NMT1: variants seen among roughly 807,000 people sequenced by gnomAD.
The protein encoded by NMT1 is N-myristoyltransferase 1, also known as glycylpeptide N-tetradecanoyltransferase 1.
Under a neutral mutation model 63.4 loss-of-function variants are expected in NMT1, and 12 were observed. That is an observed-to-expected ratio of 0.19 (90% confidence interval 0.12 to 0.31). The LOEUF (loss-of-function observed/expected upper bound fraction) is 0.31. Among genes scored for constraint, NMT1 ranks in the 10% least tolerant of loss-of-function variants. NMT1 has a pLI of 1.00. For synonymous variants in NMT1, 228 were observed against 234.3 expected (o/e 0.97, Z 0.25); for missense variants, 432 against 634.6 (o/e 0.68, Z 3.43).
rs1302258633 is a variant in NMT1, at chr17:45,068,971, GT to G, written c.131+7518del. 6.3e-5 allele frequency among the ~76,000 whole-genome samples: 8 copies of G among 127,566 alleles called. No individual in the cohort carries two copies. In the South Asian group the frequency reaches 1.3e-3, roughly 20 times the overall value. 83.7% of individuals were successfully genotyped at this position (127,566 alleles called of 152,430 possible). A position where few individuals can be genotyped will look rare whatever the true frequency, so the allele number is the denominator to read the frequency against. ...GGACTTTAGTTTTTTGTTTTTTTGG[GT>G]TTTTTTGAGACAGAGTCTCACTCTG... On this transcript the variant is annotated intron_variant, in intron 1 of 11. Transcript: ENST00000258960.
intron 4 of NMT1, among the ~76,000 whole-genome samples, chr17:45,094,143 C>T (rs2054108182): frequency 6.6e-6 from 1 of 152,122 alleles, no homozygotes; most frequent in African/African-American, 2.4e-5. Context: ...CCCCTTTCCA[C>T]CCCGGCCACC....
intron 6 of NMT1, among the ~76,000 whole-genome samples, chr17:45,097,720 C>G (rs1340727183): frequency 6.6e-6 from 1 of 152,150 alleles, no homozygotes; most frequent in Non-Finnish European, 1.5e-5. Context: ...TCTTGGTTCA[C>G]TGCAAGCTCC....
intron 1 of NMT1, among the ~76,000 whole-genome samples, chr17:45,063,204 C>CAAAAA (rs5820561): frequency 2.8e-4 from 22 of 79,952 alleles, no homozygotes; most frequent in Middle Eastern, 6.8e-3. Flanking sequence ...GACTCCGACT[C>CAAAAA]AAAAAAAAAA....
At chr17:45,097,708 G>A (rs1456711691) in intron 6 of NMT1, among the ~76,000 whole-genome samples, 4 of 152,036 alleles carry the variant, frequency 2.6e-5, no homozygotes, top group East Asian at 1.9e-4. Flanking sequence ...GCAGTGGTGC[G>A]ATCTTGGTTC....
chr17:45,069,248 C>T (rs552821838), intron 1 of NMT1, among the ~76,000 whole-genome samples: 1 of 150,282 alleles, frequency 6.7e-6, no homozygotes, highest in East Asian at 1.9e-4. Flanking sequence ...CGTGAGCCAC[C>T]ATGCCTGGCC....
rs1320607191 is a variant in NMT1, at chr17:45,108,092, A to T, written c.*2453A>T. On this transcript the variant is annotated 3_prime_UTR_variant, in exon 12 of 12. Coordinates refer to ENST00000258960, the MANE Select transcript of NMT1 (RefSeq NM_021079.5). ...GTGTGGTAGCGCCATGGCTGTCTCA[A>T]ACCAAGCAAAGGAAGGACCCTGAGG... The T allele has an allele frequency of 2.0e-5, 3 of 152,258 alleles. No individual in the cohort carries two copies. The highest frequency in any genetic ancestry group is 1.5e-5 in the Non-Finnish European group (1 of 68,066). The allele number at this position is 152,258 out of a possible 1,614,324, so 9.4% of individuals were successfully genotyped here.
rs75056989 is a variant in NMT1 at position 45,082,517 on chromosome 17, A to G, written c.240+765A>G. On this transcript the variant is annotated intron_variant, in intron 2 of 11. Transcript: ENST00000258960. ...GTCCCACAGAGTCTTTCTGAGTTCT[A>G]CTCCATGAGAACCACTGGCCTAAAG... Among the ~76,000 whole-genome samples, 1,458 of 152,122 alleles carry G rather than the reference A, an allele frequency of 9.6e-3. 13 individuals are homozygous for G. The highest frequency in any genetic ancestry group is 0.033 in the African/African-American group (1,390 of 41,494).
intron 8 of NMT1, among the ~76,000 whole-genome samples, chr17:45,100,234 G>C (rs952571295): frequency 6.6e-6 from 1 of 152,106 alleles, no homozygotes; most frequent in Admixed American, 6.5e-5. Context: ...GACTACAGGC[G>C]TGTGCCGCCA....
In NMT1 at chr17:45,086,639, C is replaced by T. The variant is rs774578466; in HGVS notation, c.372C>T (p.Pro124=). ...KRSYQFWDTQ[P]VPKLGEVVNT... Reference sequence around the variant, plus strand: ...GCTACCAGTTCTGGGATACGCAGCCCGTCCCCAAGCTGGGTATGTACATGC... The same window carrying T: ...GCTACCAGTTCTGGGATACGCAGCCTGTCCCCAAGCTGGGTATGTACATGC... The change falls in exon 3 of 12, where the codon CCC becomes CCT. Residue 124 remains proline (P), a synonymous_variant. Transcript: ENST00000258960. 2.5e-5 allele frequency: 41 copies of T among 1,610,974 alleles called. No individual in the cohort carries two copies. The South Asian group carries it at 3.5e-4, about 14-fold the overall frequency.
intron 1 of NMT1, 100 bp downstream of exon 1, chr17:45,061,560 A>T (rs2053858676): frequency 9.7e-7 from 1 of 1,031,516 alleles, no homozygotes; most frequent in Admixed American, 2.8e-5. Flanking sequence ...CCCCACCCTC[A>T]TGTTCTTATT....
intron 1 of NMT1, among the ~76,000 whole-genome samples, chr17:45,077,209 T>C (rs963834031): frequency 2.6e-5 from 4 of 152,350 alleles, no homozygotes; most frequent in African/African-American, 7.2e-5. Flanking sequence ...TGTAGAATTA[T>C]AAAAAGTTAT....
intron 1 of NMT1, among the ~76,000 whole-genome samples, chr17:45,069,664 A>G (rs2053927249): frequency 6.6e-6 from 1 of 152,138 alleles, no homozygotes. Flanking sequence ...CAGAGGATCC[A>G]TTCTGAACTT....
chr17:45,080,156 T>C (rs2054006053), intron 1 of NMT1, among the ~76,000 whole-genome samples: 1 of 147,870 alleles, frequency 6.8e-6, no homozygotes, highest in Non-Finnish European at 1.5e-5. Flanking sequence ...AGGCATTTCT[T>C]TTTTTTTTCC....
At chr17:45,076,278 A>G (rs2053976724) in intron 1 of NMT1, among the ~76,000 whole-genome samples, 1 of 151,908 alleles carries the variant, frequency 6.6e-6, no homozygotes, top group African/African-American at 2.4e-5. Context: ...TGAATAATTA[A>G]AATTATTATA....
intron 1 of NMT1, among the ~76,000 whole-genome samples, chr17:45,068,688 C>G (rs998840328): frequency 6.6e-6 from 1 of 152,138 alleles, no homozygotes. Flanking sequence ...ACTCTGTCGC[C>G]CAGGCTGGAG....
intron 1 of NMT1, among the ~76,000 whole-genome samples, chr17:45,070,205 C>A (rs2053930792): frequency 6.6e-6 from 1 of 152,016 alleles, no homozygotes; most frequent in Non-Finnish European, 1.5e-5. Context: ...TTTTGTAATC[C>A]CTTTTTATAA....
chr17:45,062,180 G>A (rs1414339022), intron 1 of NMT1, among the ~76,000 whole-genome samples: 1 of 152,182 alleles, frequency 6.6e-6, no homozygotes, highest in Non-Finnish European at 1.5e-5. Context: ...GCTCCATACT[G>A]CCTATCCTGT....
Position 45,093,795 on chromosome 17 carries a change from C to A in NMT1, c.496C>A (p.Arg166Ser). ...CTGGGATGCTTTGGACCTGGGCGAT[C>A]GTGGTGTGGTGAGTGGGCCCTCAGA... is the stretch of plus-strand genomic sequence containing the variant. ...FTWDALDLGD[R>S]GVLKELYTLL... The change falls in exon 4 of 12, where the codon CGT becomes AGT. Residue 166 changes from arginine (R) to serine (S), a missense_variant. Arg to Ser is a moderately radical substitution (Grantham distance 110). Around this residue, in one of 4 missense-constraint regions of NMT1, gnomAD observed 295 missense variants for 489.7 expected, o/e 0.60. Coordinates refer to ENST00000258960, the MANE Select transcript of NMT1 (RefSeq NM_021079.5). 1 of 1,613,910 alleles carries A rather than the reference C, an allele frequency of 6.2e-7. No homozygotes were observed. Among genetic ancestry groups the A allele is most frequent in the South Asian group, 1.1e-5 (1 of 91,080 alleles).
Position 45,103,611 on chromosome 17 carries a change from C to T in NMT1, c.1165-98C>T, listed in dbSNP as rs1018562799. 6 of 1,239,510 alleles carry T rather than the reference C, an allele frequency of 4.8e-6. No homozygotes were observed. The highest frequency in any genetic ancestry group is 5.7e-6 in the Non-Finnish European group (5 of 879,378). The allele number at this position is 1,239,510 out of a possible 1,614,324, so 76.8% of individuals were successfully genotyped here. The stretch of plus-strand genomic sequence containing the variant: ...GTTTCCAGCCATTTATCTAGAGGGG[C>T]AGAGCTGCCTGAAGGTGGAGTGAGA... On this transcript the variant is annotated intron_variant, in intron 9 of 11. Transcript: ENST00000258960. This position sits in a 1 kb window ranked among gnomAD's most constrained non-coding sequence, Gnocchi z 4.8.
Sources: gnomAD v4.1 joint callset for allele counts (sites outside exome capture counted in the v4.1 genomes callset) on GRCh38, gnomAD v4.1.1 for gene constraint, gnomAD v4.1.1 regional missense constraint, Gnocchi (gnomAD v3.1) non-coding constraint, MANE v1.5 for transcripts, NCBI Gene and HGNC (gene_info 2026-07-23, HGNC 2026-07-21) for gene names.